Variants in DST observed in about 807,000 individuals in gnomAD.
DST encodes the protein dystonin.
Under a neutral mutation model 875.2 loss-of-function variants are expected in DST, and 253 were observed. The ratio of observed to expected loss-of-function variants is 0.29; its 90% confidence interval spans 0.26 to 0.32. The LOEUF (loss-of-function observed/expected upper bound fraction) is 0.32. DST is among the 10% of genes least tolerant of loss of function. DST has a pLI of 1.00. For synonymous variants in DST, 3,124 were observed against 3,197.1 expected (o/e 0.98, Z 0.77); for missense variants, 8,287 against 9,111.6 (o/e 0.91, Z 3.68).
At chr6:56,740,065 AGGTT>A (rs1227633090) in intron 4 of DST, among the ~76,000 whole-genome samples, 1 of 152,188 alleles carries the variant, frequency 6.6e-6, no homozygotes, top group Non-Finnish European at 1.5e-5. Flanking sequence ...CATGTTAGCC[AGGTT>A]GGTTCCAAAC....
At chr6:56,603,513 G>C in intron 41 of DST, 51 bp downstream of exon 41, 1 of 1,589,386 alleles carries the variant, frequency 6.3e-7, no homozygotes, top group Non-Finnish European at 8.6e-7. Context: ...CTTTTTCCCA[G>C]TCATACATCA....
intron 49 of DST, among the ~76,000 whole-genome samples, chr6:56,585,302 T>A (rs1264232054): frequency 6.6e-6 from 1 of 152,210 alleles, no homozygotes; most frequent in East Asian, 1.9e-4. Flanking sequence ...GAGATTCAAC[T>A]TCTTCCTGGT....
intron 15 of DST, among the ~76,000 whole-genome samples, chr6:56,644,035 T>C (rs1225111806): frequency 6.6e-6 from 1 of 152,202 alleles, no homozygotes; most frequent in African/African-American, 2.4e-5. Context: ...TCATACAACT[T>C]TGCAGGCTGA....
chr6:56,467,927 G>A (rs1055619499), intron 98 of DST, among the ~76,000 whole-genome samples: 4 of 152,004 alleles, frequency 2.6e-5, no homozygotes, highest in African/African-American at 7.2e-5. Context: ...TGCTGACTCC[G>A]AAAATAGCAA....
intron 4 of DST, among the ~76,000 whole-genome samples, chr6:56,813,622 T>C (rs1457172242): frequency 6.6e-6 from 1 of 152,132 alleles, no homozygotes; most frequent in Middle Eastern, 3.2e-3. Context: ...TAACAAGCAA[T>C]TGAAATATAA....
Position 56,660,403 on chromosome 6 carries a change from A to C in DST, c.1215-9159T>G, listed in dbSNP as rs183007950. On this transcript the variant is annotated intron_variant, in intron 10 of 103. Transcript: ENST00000680361. Reference sequence around the variant, plus strand: ...AGATCATTTTTAGAACACCCTCTATACTACAGAACAACCCACACAGAGGTG... The same window carrying C: ...AGATCATTTTTAGAACACCCTCTATCCTACAGAACAACCCACACAGAGGTG... 3.9e-5 allele frequency among the ~76,000 whole-genome samples: 6 copies of C among 152,328 alleles called. No homozygotes were observed. The East Asian group carries it at 9.6e-4, about 24-fold the overall frequency.
At chr6:56,659,317 A>C (rs1563514718) in intron 10 of DST, among the ~76,000 whole-genome samples, 1 of 152,162 alleles carries the variant, frequency 6.6e-6, no homozygotes, top group Non-Finnish European at 1.5e-5. Context: ...AGAAAAGAAA[A>C]AGTCCAACAG....
chr6:56,614,146 G>A (rs545011072), intron 37 of DST, among the ~76,000 whole-genome samples: 18 of 152,262 alleles, frequency 1.2e-4, no homozygotes, highest in Admixed American at 2.0e-4. Flanking sequence ...AATATATAAC[G>A]TTCAGGCTTT....
At chr6:56,879,343 C>T (rs973427366) in intron 3 of DST, among the ~76,000 whole-genome samples, 5 of 152,022 alleles carry the variant, frequency 3.3e-5, no homozygotes, top group Admixed American at 1.3e-4. Context: ...CGGTGGCAGG[C>T]GCCTGTAGTC....
intron 69 of DST, among the ~76,000 whole-genome samples, chr6:56,522,329 C>G (rs766072235): frequency 1.3e-5 from 2 of 152,070 alleles, no homozygotes; most frequent in African/African-American, 2.4e-5. Context: ...GAGATTCTAA[C>G]GAAGGTGGTC....
At chr6:56,933,388 T>C (rs1811288621) in intron 2 of DST, among the ~76,000 whole-genome samples, 2 of 152,212 alleles carry the variant, frequency 1.3e-5, no homozygotes, top group Admixed American at 1.3e-4. Flanking sequence ...TTGCAAGCCA[T>C]TGAGGAGATC....
At chr6:56,943,612 T>C (rs1366461303) in intron 2 of DST, among the ~76,000 whole-genome samples, 1 of 150,838 alleles carries the variant, frequency 6.6e-6, no homozygotes, top group African/African-American at 2.4e-5. Flanking sequence ...TTTGTATTTT[T>C]AGTAGAGAAG....
intron 4 of DST, among the ~76,000 whole-genome samples, chr6:56,736,106 T>A (rs2099522677): frequency 6.6e-6 from 1 of 152,122 alleles, no homozygotes; most frequent in African/African-American, 2.4e-5. Context: ...GCCAGGCTGG[T>A]CTCGAACCCC....
intron 47 of DST, among the ~76,000 whole-genome samples, chr6:56,595,948 C>T (rs1391646412): frequency 2.6e-5 from 4 of 152,066 alleles, no homozygotes; most frequent in African/African-American, 7.2e-5. Context: ...GAAAGCTAGA[C>T]GTTCCTGGCT....
intron 100 of DST, 108 bp downstream of exon 100, chr6:56,464,577 T>C (rs2094491561): frequency 1.2e-6 from 1 of 802,200 alleles, no homozygotes; most frequent in Non-Finnish European, 2.1e-6. Flanking sequence ...AGTTAAGCCA[T>C]ACGCGATGGA....
chr6:56,492,689 C>T (rs960249442), intron 84 of DST, among the ~76,000 whole-genome samples: 1 of 151,780 alleles, frequency 6.6e-6, no homozygotes, highest in Non-Finnish European at 1.5e-5. Flanking sequence ...GGCAAACATG[C>T]TGAAACCCCA....
intron 36 of DST, among the ~76,000 whole-genome samples, chr6:56,623,101 T>G (rs1221813241): frequency 6.6e-6 from 1 of 152,234 alleles, no homozygotes; most frequent in East Asian, 1.9e-4. Context: ...CTTCCATAAC[T>G]GTATTTGCTG....
At chr6:56,633,289 G>T (rs1224792483) in intron 27 of DST, among the ~76,000 whole-genome samples, 1 of 147,064 alleles carries the variant, frequency 6.8e-6, no homozygotes, top group Non-Finnish European at 1.5e-5. Context: ...TGCAGTGGCG[G>T]GATCTCGGCT....
chr6:56,884,147 A>G (rs1783522627), intron 3 of DST, among the ~76,000 whole-genome samples: 1 of 151,806 alleles, frequency 6.6e-6, no homozygotes, highest in Non-Finnish European at 1.5e-5. Flanking sequence ...AAAAAAATTC[A>G]TTGTTCAAAT....
Sources: allele counts gnomAD v4.1 joint callset (sites outside exome capture counted in the v4.1 genomes callset), GRCh38; gene constraint gnomAD v4.1.1; transcripts MANE v1.5; gene names NCBI Gene and HGNC (gene_info 2026-07-23, HGNC 2026-07-21).